The following CTIF variants were observed in gnomAD, a reference collection of about 807,000 sequenced individuals.
The protein encoded by CTIF is cap binding complex dependent translation initiation factor.
CTIF carries 21 observed loss-of-function variants against 66.0 expected under a neutral mutation model. The observed-to-expected ratio is 0.32, with a 90% CI of 0.23 to 0.46. The LOEUF (loss-of-function observed/expected upper bound fraction) is 0.46. Ranked by LOEUF, CTIF falls within the 20% of genes least tolerant of loss-of-function variation. The pLI is 1.00. For missense variants in CTIF, 739 were observed against 812.7 expected (o/e 0.91, Z 1.10); for synonymous variants, 345 against 326.4 (o/e 1.06, Z -0.62).
At chr18:48,720,700 CA>C (rs1334009565) in intron 7 of CTIF, among the ~76,000 whole-genome samples, 1 of 152,174 alleles carries the variant, frequency 6.6e-6, no homozygotes, top group African/African-American at 2.4e-5. Flanking sequence ...GCCAGATGTC[CA>C]GGTCCATGCT....
chr18:48,850,683 A>G (rs2069180231), intron 10 of CTIF, among the ~76,000 whole-genome samples: 1 of 152,216 alleles, frequency 6.6e-6, no homozygotes, highest in South Asian at 2.1e-4. Flanking sequence ...GGCCCCAGGG[A>G]GGAAGCCTGT....
intron 3 of CTIF, among the ~76,000 whole-genome samples, chr18:48,639,758 C>T (rs2090892187): frequency 6.6e-6 from 1 of 152,160 alleles, no homozygotes; most frequent in Non-Finnish European, 1.5e-5. Flanking sequence ...AGTGTGGGGG[C>T]CGGATCCTTG....
In CTIF at chr18:48,861,119, T is replaced by G. The variant is rs1195635300; in HGVS notation, c.*1560T>G. 6.6e-6 allele frequency: 1 copy of G among 152,274 alleles called. No individual in the cohort carries two copies. Among genetic ancestry groups the G allele is most frequent in the African/African-American group, 2.4e-5 (1 of 41,414 alleles). 9.4% of individuals were successfully genotyped at this position (152,274 alleles called of 1,614,324 possible). A position where few individuals can be genotyped will look rare whatever the true frequency, so the allele number is the denominator to read the frequency against. ...AGGTGATGGGCGGGGAAGGTTCTCG[T>G]GATTGATTGATTCTGAGTCTGAGAG... On this transcript the variant is annotated 3_prime_UTR_variant, in exon 12 of 12. Transcript: ENST00000256413.
At chr18:48,658,298 T>C (rs910780353) in intron 3 of CTIF, among the ~76,000 whole-genome samples, 1 of 151,996 alleles carries the variant, frequency 6.6e-6, no homozygotes, top group Non-Finnish European at 1.5e-5. Flanking sequence ...TACATGCATG[T>C]TGTGTGTGGC....
intron 1 of CTIF, among the ~76,000 whole-genome samples, chr18:48,559,362 C>G (rs533850049): frequency 1.3e-5 from 2 of 152,068 alleles, no homozygotes; most frequent in Non-Finnish European, 2.9e-5. Context: ...TACCACCCCC[C>G]CCAATCCTAA....
intron 1 of CTIF, among the ~76,000 whole-genome samples, chr18:48,601,636 C>T (rs1010503290): frequency 3.9e-5 from 6 of 152,220 alleles, no homozygotes; most frequent in Non-Finnish European, 5.9e-5. Context: ...CTTACTGACA[C>T]ATTGAAGCAG....
intron 6 of CTIF, among the ~76,000 whole-genome samples, chr18:48,675,804 C>A (rs545751213): frequency 6.6e-6 from 1 of 152,310 alleles, no homozygotes; most frequent in African/African-American, 2.4e-5. Flanking sequence ...GGGGGAGTTA[C>A]AAAGTGTTGG....
intron 2 of CTIF, among the ~76,000 whole-genome samples, chr18:48,629,636 C>CA (rs377481318): frequency 0.25 from 33,906 of 134,712 alleles, 4,161 homozygotes; most frequent in African/African-American, 0.34. Flanking sequence ...TTGTTTAGAG[C>CA]AAAAAAAAAA....
intron 6 of CTIF, among the ~76,000 whole-genome samples, chr18:48,706,039 TGAGA>T (rs890597153): frequency 4.6e-5 from 7 of 152,202 alleles, no homozygotes; most frequent in African/African-American, 1.7e-4. Context: ...ATTTGTCGAG[TGAGA>T]GAGAGACAAG....
intron 3 of CTIF, among the ~76,000 whole-genome samples, chr18:48,657,164 A>G (rs761166855): frequency 1.8e-4 from 28 of 152,242 alleles, no homozygotes; most frequent in Admixed American, 4.6e-4. Context: ...TGTGGAATGA[A>G]AAGGAAGAGT....
chr18:48,614,781 T>G (rs1416868480), intron 1 of CTIF, among the ~76,000 whole-genome samples: 1 of 152,210 alleles, frequency 6.6e-6, no homozygotes, highest in Non-Finnish European at 1.5e-5. Context: ...CAAAACACTA[T>G]GAATGTACTT....
chr18:48,627,319 T>C (rs1349373619), intron 2 of CTIF, among the ~76,000 whole-genome samples: 2 of 152,116 alleles, frequency 1.3e-5, no homozygotes, highest in African/African-American at 4.8e-5. Flanking sequence ...ATGATCTCTG[T>C]CTCAGTTTCT....
intron 1 of CTIF, among the ~76,000 whole-genome samples, chr18:48,568,698 T>C (rs1352205234): frequency 7.5e-6 from 1 of 132,488 alleles, no homozygotes. Flanking sequence ...GTTCCACATG[T>C]CTGGGGAGGC....
chr18:48,681,554 T>A (rs1255919427), intron 6 of CTIF, among the ~76,000 whole-genome samples: 1 of 152,206 alleles, frequency 6.6e-6, no homozygotes, highest in Non-Finnish European at 1.5e-5. Context: ...TCTCATTGCC[T>A]TGCTTAAAAA....
intron 10 of CTIF, among the ~76,000 whole-genome samples, chr18:48,825,626 C>T (rs1325528899): frequency 6.6e-6 from 1 of 152,140 alleles, no homozygotes; most frequent in African/African-American, 2.4e-5. Flanking sequence ...TCCAGGCGGA[C>T]CATTCCTCCT....
At chr18:48,611,861 C>T (rs995632744) in intron 1 of CTIF, among the ~76,000 whole-genome samples, 1 of 152,150 alleles carries the variant, frequency 6.6e-6, no homozygotes. Flanking sequence ...TTTTGCAGCT[C>T]ATGAAATTGC....
chr18:48,661,835 C>T (rs532598846), intron 3 of CTIF: 1 of 152,300 alleles, frequency 6.6e-6, no homozygotes, highest in East Asian at 1.9e-4. Context: ...ATCTGAAGTC[C>T]AGACTGGTGA....
At chr18:48,806,884 G>T (rs2068158868) in intron 9 of CTIF, among the ~76,000 whole-genome samples, 1 of 152,182 alleles carries the variant, frequency 6.6e-6, no homozygotes, top group Non-Finnish European at 1.5e-5. Context: ...ATAGTTTTAG[G>T]CAGGAAACGG....
chr18:48,658,164 G>A (rs960791328), intron 3 of CTIF, among the ~76,000 whole-genome samples: 10 of 152,084 alleles, frequency 6.6e-5, no homozygotes, highest in African/African-American at 2.2e-4. Flanking sequence ...TGTGTGTGAT[G>A]TGTGTGTATG....
Sources: gnomAD v4.1 joint callset for allele counts (sites outside exome capture counted in the v4.1 genomes callset) on GRCh38, gnomAD v4.1.1 for gene constraint, MANE v1.5 for transcripts, NCBI Gene and HGNC (gene_info 2026-07-23, HGNC 2026-07-21) for gene names.